The following CNRIP1 variants were observed in gnomAD, a reference collection of about 807,000 sequenced individuals.
CNRIP1 encodes cannabinoid receptor interacting protein 1.
In CNRIP1, 10 loss-of-function variants were observed where a neutral mutation model predicts 15.2. The ratio of observed to expected loss-of-function variants is 0.66; its 90% CI spans 0.41 to 1.12. CNRIP1 has a LOEUF of 1.12. CNRIP1 is among the 50% of genes most tolerant of loss of function. The pLI is 0.00. For missense variants in CNRIP1, 211 were observed against 214.7 expected, an observed-to-expected ratio of 0.98 and a Z score of 0.11; for synonymous variants, 91 against 83.2, an observed-to-expected ratio of 1.09 and a Z score of -0.51.
chr2:68,300,146 C>G (rs1671549757), intron 2 of CNRIP1, among the ~76,000 whole-genome samples: 1 of 152,144 alleles, frequency 6.6e-6, no homozygotes. Context: ...AGTTCTAGGT[C>G]TTATAAAGTA....
At chr2:68,319,106 C>T (rs1007761761) in intron 1 of CNRIP1, 116 bp downstream of exon 1, 1 of 1,112,922 alleles carries the variant, frequency 9.0e-7, no homozygotes, top group Non-Finnish European at 1.2e-6. Flanking sequence ...CCCCCGGGCC[C>T]GCTGGGAGCG....
intron 2 of CNRIP1, among the ~76,000 whole-genome samples, chr2:68,311,202 A>AG (rs144206261): frequency 0.22 from 34,008 of 152,022 alleles, 3,955 homozygotes; most frequent in Middle Eastern, 0.28. Flanking sequence ...GTGATCCCCA[A>AG]GGGGGGAAAA....
chr2:68,318,059 G>C (rs1672342676), intron 1 of CNRIP1, among the ~76,000 whole-genome samples: 1 of 151,826 alleles, frequency 6.6e-6, no homozygotes, highest in Non-Finnish European at 1.5e-5. Flanking sequence ...CGGGGATAAG[G>C]TTGGCAGGAA....
downstream of CNRIP1, among the ~76,000 whole-genome samples, chr2:68,289,273 TA>T (rs1488175196): frequency 6.6e-6 from 1 of 152,238 alleles, no homozygotes; most frequent in African/African-American, 2.4e-5. Flanking sequence ...AAAGTCTTTC[TA>T]GCATATCTTA....
chr2:68,298,127 AGGT>A (rs1287035082), intron 2 of CNRIP1, among the ~76,000 whole-genome samples: 3 of 152,286 alleles, frequency 2.0e-5, no homozygotes, highest in Non-Finnish European at 4.4e-5. Flanking sequence ...TGTTCACAAT[AGGT>A]TAGTGGTGGT....
chr2:68,293,576 A>G lies in CNRIP1; in HGVS notation c.*286T>C. Reference sequence around the variant, plus strand: ...CAGGACAAGCCTGCCAGGGCCACTGAACTCCAGTCACAAGTGGTCAAAAGT... The same window carrying G: ...CAGGACAAGCCTGCCAGGGCCACTGGACTCCAGTCACAAGTGGTCAAAAGT... On this transcript the variant is annotated 3_prime_UTR_variant, in exon 3 of 3. Transcript: ENST00000263655. 1 of 1,091,776 alleles carries G rather than the reference A, an allele frequency of 9.2e-7. No individual in the cohort carries two copies. Among genetic ancestry groups the G allele is most frequent in the South Asian group, 3.6e-5 (1 of 27,524 alleles). 67.6% of individuals were successfully genotyped at this position (1,091,776 alleles called of 1,614,324 possible). A position where few individuals can be genotyped will look rare whatever the true frequency, so the allele number is the denominator to read the frequency against.
At chr2:68,304,496 G>A (rs117653824) in intron 2 of CNRIP1, among the ~76,000 whole-genome samples, 5 of 152,148 alleles carry the variant, frequency 3.3e-5, no homozygotes, top group East Asian at 1.9e-4. Flanking sequence ...ACTGTAACTC[G>A]TGAATCCAGC....
At chr2:68,292,042 TTTTTA>T (rs1274271891), downstream of CNRIP1, among the ~76,000 whole-genome samples, 1 of 152,208 alleles carries the variant, frequency 6.6e-6, no homozygotes, top group Non-Finnish European at 1.5e-5. Context: ...TAGTTCCCAC[TTTTTA>T]TTTTAAATCT....
At chr2:68,301,916 A>AAT (rs869138362) in intron 2 of CNRIP1, among the ~76,000 whole-genome samples, 1 of 150,132 alleles carries the variant, frequency 6.7e-6, no homozygotes, top group South Asian at 2.1e-4. Context: ...AAAAAAAAAA[A>AAT]TACTAAGCAA....
intron 2 of CNRIP1, chr2:68,284,627 A>G (rs1316696294): frequency 2.0e-5 from 10 of 494,062 alleles, no homozygotes; most frequent in Admixed American, 1.2e-4. Context: ...GCTGACCAAT[A>G]TGGTGAAGCC....
downstream of CNRIP1, among the ~76,000 whole-genome samples, chr2:68,291,665 G>T (rs1352444275): frequency 1.3e-5 from 2 of 152,084 alleles, no homozygotes; most frequent in Non-Finnish European, 2.9e-5. Flanking sequence ...TAGATCACGA[G>T]GTCAGGAGTT....
chr2:68,302,424 AGACTCTCTATCT>A (rs1453303858), intron 2 of CNRIP1, among the ~76,000 whole-genome samples: 5 of 152,218 alleles, frequency 3.3e-5, no homozygotes, highest in Non-Finnish European at 5.9e-5. Flanking sequence ...TCGTGCAGAC[AGACTCTCTATCT>A]GGCCTTTCTC....
At chr2:68,316,392 C>A (rs1672272685) in intron 2 of CNRIP1, 1 of 152,130 alleles carries the variant, frequency 6.6e-6, no homozygotes, top group Admixed American at 6.5e-5. Flanking sequence ...GTTGTTCTTG[C>A]AGAGGGAAAA....
intron 2 of CNRIP1, among the ~76,000 whole-genome samples, chr2:68,287,272 G>T (rs1176970022): frequency 6.6e-6 from 1 of 152,170 alleles, no homozygotes; most frequent in Non-Finnish European, 1.5e-5. Flanking sequence ...GAAAGGCAAG[G>T]TTATGCTGAA....
chr2:68,306,518 C>T (rs889654955), intron 2 of CNRIP1, among the ~76,000 whole-genome samples: 6 of 152,072 alleles, frequency 3.9e-5, no homozygotes, highest in South Asian at 2.1e-4. Context: ...CAGTGGCTCA[C>T]GCCAGTAATC....
Position 68,306,124 on chromosome 2 carries a change from C to CAAAAAAAAAAAAAAAAAAAAAAAAAAAAA in CNRIP1, c.330+11032_330+11033insTTTTTTTTTTTTTTTTTTTTTTTTTTTTT, listed in dbSNP as rs61586261. 1.6e-4 allele frequency among the ~76,000 whole-genome samples: 4 copies of CAAAAAAAAAAAAAAAAAAAAAAAAAAAAA among 25,340 alleles called. 1 individual carries two copies. Among genetic ancestry groups the CAAAAAAAAAAAAAAAAAAAAAAAAAAAAA allele is most frequent in the African/African-American group, 2.9e-4 (2 of 6,836 alleles). 16.6% of individuals were successfully genotyped at this position (25,340 alleles called of 152,430 possible). On this transcript the variant is annotated intron_variant, in intron 2 of 2. Coordinates refer to ENST00000263655, the MANE Select transcript of CNRIP1 (RefSeq NM_015463.3). ...CTGGGCAGCAGAGACCCCACCTCTA[C>CAAAAAAAAAAAAAAAAAAAAAAAAAAAAA]AAAAAAAAAAAAAAAAAAAAAAAAA... is the stretch of plus-strand genomic sequence containing the variant.
chr2:68,288,277 A>G (rs755622316), downstream of CNRIP1, among the ~76,000 whole-genome samples: 5 of 152,204 alleles, frequency 3.3e-5, no homozygotes, highest in Non-Finnish European at 7.4e-5. Flanking sequence ...TCTTGACTCA[A>G]CGTTTTAGAG....
chr2:68,308,955 G>A lies in CNRIP1; in HGVS notation c.330+8202C>T, dbSNP rs534274318. Among the ~76,000 whole-genome samples the A allele has an allele frequency of 1.6e-3, 237 of 152,040 alleles. 2 individuals carry two copies. The highest frequency in any genetic ancestry group is 5.4e-3 in the African/African-American group (225 of 41,464). On this transcript the variant is annotated intron_variant, in intron 2 of 2. Coordinates refer to ENST00000263655, the MANE Select transcript of CNRIP1 (RefSeq NM_015463.3). ...AGTTAAATCATCTCATCATTAGAAG[G>A]GAGAGAAATATTCTCAGTTTCCCAG... is the stretch of plus-strand genomic sequence containing the variant.
intron 2 of CNRIP1, among the ~76,000 whole-genome samples, chr2:68,308,463 C>G (rs542237059): frequency 6.6e-6 from 1 of 151,888 alleles, no homozygotes; most frequent in East Asian, 1.9e-4. Flanking sequence ...GACATAATTT[C>G]TTATTTTTCT....
Sources: gnomAD v4.1 joint callset for allele counts (sites outside exome capture counted in the v4.1 genomes callset) on GRCh38, gnomAD v4.1.1 for gene constraint, MANE v1.5 for transcripts, NCBI Gene and HGNC (gene_info 2026-07-23, HGNC 2026-07-21) for gene names.